The following USP37 variants were observed in gnomAD, a reference collection of about 807,000 sequenced individuals.
USP37 encodes the protein ubiquitin specific peptidase 37.
USP37 carries 27 observed loss-of-function variants against 124.0 expected under a neutral mutation model. The observed-to-expected ratio is 0.22, with a 90% CI of 0.16 to 0.30. USP37 has a LOEUF of 0.30. Ranked by LOEUF, USP37 falls within the 10% of genes least tolerant of loss-of-function variation. USP37 has a pLI of 1.00. For missense variants in USP37, 889 were observed against 1,140.4 expected (o/e 0.78, Z 3.17); for synonymous variants, 365 against 388.0 (o/e 0.94, Z 0.70).
At position 218,510,055 on chromosome 2, in the gene USP37, T is replaced by C. The variant is rs1689890944; in HGVS notation, c.949A>G (p.Arg317Gly). 1 of 1,613,270 alleles carries C rather than the reference T, an allele frequency of 6.2e-7. No individual in the cohort carries two copies. Among genetic ancestry groups the C allele is most frequent in the East Asian group, 2.2e-5 (1 of 44,856 alleles). Residue 317 changes from arginine to glycine, a missense_variant, in exon 11 of 26, where the codon AGG becomes GGG. Physicochemically the swap from Arg to Gly is moderately radical, Grantham distance 125 (BLOSUM62 -2). Coordinates refer to ENST00000258399, the MANE Select transcript of USP37 (RefSeq NM_020935.3). The part of the protein sequence containing the change: ...QPVPLSVKKL[R>G]CNQDYTGWNK... The stretch of plus-strand genomic sequence containing the variant: ...CAGCCAGTGTAATCCTGGTTACACC[T>C]CAGTTTTTTAACAGAAAGAGGAACT...
At chr2:218,481,794 C>A (rs572819573) in intron 17 of USP37, among the ~76,000 whole-genome samples, 151 of 151,544 alleles carry the variant, frequency 1.0e-3, no homozygotes, top group African/African-American at 3.6e-3. Context: ...GCTGGCACTA[C>A]AGGTGTGTGC....
intron 23 of USP37, 93 bp downstream of exon 23, chr2:218,459,697 T>C: frequency 9.9e-7 from 1 of 1,006,414 alleles, no homozygotes; most frequent in Non-Finnish European, 1.5e-6. Flanking sequence ...AAAATGAACC[T>C]GCAGTGGACA....
chr2:218,524,729 C>T (rs536180521), intron 10 of USP37, among the ~76,000 whole-genome samples: 9 of 152,290 alleles, frequency 5.9e-5, no homozygotes, highest in East Asian at 1.9e-4. Context: ...CCTGTCGCAG[C>T]GTCCTGAGTA....
chr2:218,548,365 G>T (rs1176311946), intron 6 of USP37, among the ~76,000 whole-genome samples: 5 of 149,706 alleles, frequency 3.3e-5, no homozygotes, highest in African/African-American at 1.3e-4. Context: ...ATTTAAGACA[G>T]AGTCTTACTC....
Position 218,494,016 on chromosome 2 carries a change from T to C in USP37, c.1472+1744A>G, listed in dbSNP as rs1282226467. ...ATTAGAAGGAAGAGATAAATGGCTA[T>C]TATATTATTAACTGCTGTTGGACTC... On this transcript the variant is annotated intron_variant, in intron 14 of 25. Coordinates refer to ENST00000258399, the MANE Select transcript of USP37 (RefSeq NM_020935.3). 2.6e-5 allele frequency among the ~76,000 whole-genome samples: 4 copies of C among 152,332 alleles called. No individual in the cohort carries two copies. The East Asian group carries it at 7.7e-4, about 29-fold the overall frequency.
At chr2:218,549,930 T>G (rs745769636) in intron 5 of USP37, 21 bp from the exon 6 acceptor site, 25 of 1,567,972 alleles carry the variant, frequency 1.6e-5, no homozygotes, top group Non-Finnish European at 2.2e-5. Context: ...AAAATATAAT[T>G]TTTTTTAAAA....
chr2:218,543,501 CAAAAAAAAA>C (rs35321679), intron 8 of USP37, among the ~76,000 whole-genome samples: 4 of 36,956 alleles, frequency 1.1e-4, no homozygotes, highest in South Asian at 2.1e-3. Context: ...GACTCCGTCT[CAAAAAAAAA>C]AAAAAAAAAA....
At chr2:218,471,583 C>T (rs1559168106) in intron 20 of USP37, among the ~76,000 whole-genome samples, 1 of 152,144 alleles carries the variant, frequency 6.6e-6, no homozygotes, top group Admixed American at 6.5e-5. Context: ...TCTCCATTTG[C>T]CTGTTTAATT....
intron 11 of USP37, 134 bp downstream of exon 11, chr2:218,509,845 A>C: frequency 2.3e-6 from 2 of 851,114 alleles, no homozygotes; most frequent in Non-Finnish European, 3.3e-6. Flanking sequence ...GGATGTAATA[A>C]ATCTTTAATA....
intron 10 of USP37, among the ~76,000 whole-genome samples, chr2:218,522,264 T>C (rs1297019129): frequency 6.6e-6 from 1 of 152,022 alleles, no homozygotes; most frequent in Non-Finnish European, 1.5e-5. Flanking sequence ...AGCTTACTTA[T>C]AAGAAATAGA....
intron 11 of USP37, among the ~76,000 whole-genome samples, chr2:218,505,068 G>A (rs915023526): frequency 1.3e-5 from 2 of 152,138 alleles, no homozygotes; most frequent in African/African-American, 4.8e-5. Flanking sequence ...AAACTAGAGT[G>A]CAGTGGTGTG....
intron 8 of USP37, among the ~76,000 whole-genome samples, chr2:218,544,340 G>A (rs1012308285): frequency 6.4e-5 from 9 of 139,666 alleles, no homozygotes; most frequent in African/African-American, 2.2e-4. Context: ...AGCTGACATC[G>A]TGCCACTGCA....
chr2:218,503,689 T>C (rs929089021), intron 11 of USP37, among the ~76,000 whole-genome samples: 5 of 151,904 alleles, frequency 3.3e-5, no homozygotes, highest in Admixed American at 1.3e-4. Flanking sequence ...CACTCCAGCC[T>C]GGGCAACGAG....
At chr2:218,460,476 TAAGA>T (rs1222921383) in intron 22 of USP37, among the ~76,000 whole-genome samples, 1 of 152,148 alleles carries the variant, frequency 6.6e-6, no homozygotes, top group African/African-American at 2.4e-5. Flanking sequence ...CTAACCCTTA[TAAGA>T]AAGATATAAA....
chr2:218,509,451 AGGTAATAGAGCTACT>A (rs1340347156), intron 11 of USP37, among the ~76,000 whole-genome samples: 1 of 152,190 alleles, frequency 6.6e-6, no homozygotes, highest in South Asian at 2.1e-4. Context: ...TAAACACTTT[AGGTAATAGAGCTACT>A]GGCCAGGAAC....
intron 10 of USP37, among the ~76,000 whole-genome samples, chr2:218,524,146 T>C (rs568284287): frequency 6.6e-6 from 1 of 152,352 alleles, no homozygotes; most frequent in African/African-American, 2.4e-5. Flanking sequence ...CAATGCCCTA[T>C]TAGATTCAAC....
At chr2:218,557,687 G>C (rs1380516362) in intron 4 of USP37, among the ~76,000 whole-genome samples, 1 of 145,526 alleles carries the variant, frequency 6.9e-6, no homozygotes. Context: ...CCAGCACTTT[G>C]GGAGGCCGAG....
intron 22 of USP37, 129 bp downstream of exon 22, chr2:218,463,175 AAC>A (rs3835979): frequency 0.01 from 5,379 of 528,218 alleles, 28 homozygotes; most frequent in African/African-American, 0.021. Context: ...CCCCACAATA[AAC>A]ACACACACAC....
chr2:218,451,062 A>G lies in USP37; in HGVS notation c.*3868T>C, dbSNP rs1689463993. 1 of 152,196 alleles carries G rather than the reference A, an allele frequency of 6.6e-6. No homozygotes were observed. Among genetic ancestry groups the G allele is most frequent in the South Asian group, 2.1e-4 (1 of 4,836 alleles). 9.4% of individuals were successfully genotyped at this position (152,196 alleles called of 1,614,324 possible). On this transcript the variant is annotated 3_prime_UTR_variant, in exon 26 of 26. Coordinates refer to ENST00000258399, the MANE Select transcript of USP37 (RefSeq NM_020935.3). Reference sequence around the variant, plus strand: ...CCTAACAAATTAGAATTTTCCAATAAAAAATATATATTTTTTCAGATGTTA... The same window carrying G: ...CCTAACAAATTAGAATTTTCCAATAGAAAATATATATTTTTTCAGATGTTA...
Sources: gnomAD v4.1 joint callset for allele counts (sites outside exome capture counted in the v4.1 genomes callset) on GRCh38, gnomAD v4.1.1 for gene constraint, MANE v1.5 for transcripts, NCBI Gene and HGNC (gene_info 2026-07-23, HGNC 2026-07-21) for gene names.